OR51B5: variants seen among roughly 807,000 people sequenced by gnomAD.
OR51B5 encodes olfactory receptor family 51 subfamily B member 5, also known as olfactory receptor 51B5.
For synonymous variants in OR51B5, 186 were observed against 144.8 expected, an observed-to-expected ratio of 1.28 and a Z score of -2.04; for missense variants, 456 against 374.6, an observed-to-expected ratio of 1.22 and a Z score of -1.79.
chr11:5,489,548 C>T, intron 1 of OR51B5: 1 of 1,614,022 alleles, frequency 6.2e-7, no homozygotes, highest in East Asian at 2.2e-5. Context: ...ATCTTTCTGG[C>T]TAATCTCTAT....
At chr11:5,387,323 C>T (rs950993459) in intron 1 of OR51B5, among the ~76,000 whole-genome samples, 3 of 152,078 alleles carry the variant, frequency 2.0e-5, no homozygotes, top group Admixed American at 1.3e-4. Context: ...CTCTCCATTG[C>T]ATTTGGCCCC....
chr11:5,361,394 C>A (rs1041863679), intron 1 of OR51B5, among the ~76,000 whole-genome samples: 1 of 152,114 alleles, frequency 6.6e-6, no homozygotes, highest in Admixed American at 6.5e-5. Context: ...TTCTTTGCAG[C>A]TTGGCTTCTG....
At chr11:5,463,994 C>G (rs548216777) in intron 1 of OR51B5, among the ~76,000 whole-genome samples, 1 of 152,300 alleles carries the variant, frequency 6.6e-6, no homozygotes, top group South Asian at 2.1e-4. Context: ...TTAGAACCAA[C>G]CACAGTGCTA....
intron 1 of OR51B5, among the ~76,000 whole-genome samples, chr11:5,375,758 T>A (rs898657941): frequency 9.9e-5 from 15 of 152,104 alleles, no homozygotes; most frequent in Non-Finnish European, 2.2e-4. Flanking sequence ...CAAGAAGAGC[T>A]AACTATCCTA....
At chr11:5,415,695 C>G (rs374695680) in intron 1 of OR51B5, among the ~76,000 whole-genome samples, 18 of 152,134 alleles carry the variant, frequency 1.2e-4, no homozygotes, top group South Asian at 2.1e-4. Context: ...ATAAATTCCT[C>G]GACACATACA....
intron 1 of OR51B5, among the ~76,000 whole-genome samples, chr11:5,418,890 A>AAAAAT (rs10691337): frequency 6.6e-6 from 1 of 151,052 alleles, no homozygotes; most frequent in Non-Finnish European, 1.5e-5. Context: ...AAAAAAAAAA[A>AAAAAT]GCATCATCTG....
intron 1 of OR51B5, among the ~76,000 whole-genome samples, chr11:5,405,515 G>T (rs954535780): frequency 7.6e-6 from 1 of 130,972 alleles, no homozygotes; most frequent in Admixed American, 8.5e-5. Flanking sequence ...TCCACTCAAA[G>T]AACTTAGAAA....
intron 1 of OR51B5, among the ~76,000 whole-genome samples, chr11:5,351,102 TACC>T (rs1184071913): frequency 2.6e-5 from 4 of 152,194 alleles, no homozygotes; most frequent in Admixed American, 2.0e-4. Context: ...CACCCTATAA[TACC>T]ACCAGTCAGG....
At chr11:5,409,549 T>C (rs1487851174) in intron 1 of OR51B5, among the ~76,000 whole-genome samples, 1 of 151,654 alleles carries the variant, frequency 6.6e-6, no homozygotes, top group Non-Finnish European at 1.5e-5. Context: ...AAAAGAATAT[T>C]AAAGGCAACA....
chr11:5,432,207 T>C (rs930325134), intron 1 of OR51B5, among the ~76,000 whole-genome samples: 1 of 152,208 alleles, frequency 6.6e-6, no homozygotes, highest in Non-Finnish European at 1.5e-5. Flanking sequence ...GTGATTATCA[T>C]TCTACACTCT....
intron 1 of OR51B5, among the ~76,000 whole-genome samples, chr11:5,501,867 T>C (rs1402419673): frequency 7.4e-6 from 1 of 135,132 alleles, no homozygotes; most frequent in Non-Finnish European, 1.7e-5. Flanking sequence ...GCTGCACCCA[T>C]GAACTGGTCA....
chr11:5,454,746 T>C (rs1850926014), intron 1 of OR51B5: 1 of 182,906 alleles, frequency 5.5e-6, no homozygotes, highest in South Asian at 1.4e-4. Context: ...ACAAACTTAG[T>C]CCTAAAATGT....
chr11:5,453,919 T>C (rs771406689), intron 1 of OR51B5: 6 of 1,614,134 alleles, frequency 3.7e-6, no homozygotes, highest in South Asian at 3.3e-5. Flanking sequence ...ATTGCTGCAA[T>C]GGGTTTAGGT....
intron 1 of OR51B5, among the ~76,000 whole-genome samples, chr11:5,361,301 G>T (rs112416732): frequency 0.015 from 2,252 of 152,268 alleles, 58 homozygotes; most frequent in African/African-American, 0.052. Flanking sequence ...CTGTTCCAAA[G>T]TTCTAAATCC....
intron 1 of OR51B5, among the ~76,000 whole-genome samples, chr11:5,460,438 G>C (rs1851032053): frequency 6.6e-6 from 1 of 150,410 alleles, no homozygotes; most frequent in South Asian, 2.1e-4. Flanking sequence ...ATTTCTAGAA[G>C]TTCAGTTTGG....
At chr11:5,443,484 C>G (rs918947254) in intron 1 of OR51B5, among the ~76,000 whole-genome samples, 4 of 151,126 alleles carry the variant, frequency 2.6e-5, no homozygotes, top group African/African-American at 4.9e-5. Context: ...TCTAAGAGGT[C>G]TTTTTAGATC....
intron 1 of OR51B5, among the ~76,000 whole-genome samples, chr11:5,364,677 A>T (rs1028199794): frequency 6.6e-6 from 1 of 152,042 alleles, no homozygotes; most frequent in East Asian, 1.9e-4. Context: ...GATTTTGTGC[A>T]CTCTAAGGCA....
At chr11:5,343,707 C>A, upstream of OR51B5, 1 of 497,480 alleles carries the variant, frequency 2.0e-6, no homozygotes, top group Non-Finnish European at 3.5e-6. Context: ...TATTTGTATT[C>A]TTAACTGCAC....
chr11:5,418,427 CAAAACAAAAAG>C (rs779275851), intron 1 of OR51B5, among the ~76,000 whole-genome samples: 10,074 of 151,560 alleles, frequency 0.066, 433 homozygotes, highest in Non-Finnish European at 0.1. Context: ...CAAAACAAAA[CAAAACAAAAAG>C]AAAAACAAAA....
Sources: gnomAD v4.1 joint callset for allele counts (sites outside exome capture counted in the v4.1 genomes callset) on GRCh38, gnomAD v4.1.1 for gene constraint, MANE v1.5 for transcripts, NCBI Gene and HGNC (gene_info 2026-07-23, HGNC 2026-07-21) for gene names.